The following CSMD1 variants were observed in gnomAD, a reference collection of about 807,000 sequenced individuals.
CSMD1 encodes CUB and sushi domain-containing protein 1.
Under a neutral mutation model 417.5 loss-of-function variants are expected in CSMD1, and 213 were observed. The ratio of observed to expected loss-of-function variants is 0.51; its 90% confidence interval spans 0.46 to 0.57. CSMD1 has a LOEUF of 0.57. CSMD1 is among the 20% of genes least tolerant of loss of function. The probability of loss-of-function intolerance (pLI) is 0.00; values close to 1 mark genes in which losing one functional copy is unlikely to be tolerated. For missense variants in CSMD1, 6,923 were observed against 4,529.7 expected (o/e 1.53, Z -15.17); for synonymous variants, 2,862 against 1,736.8 (o/e 1.65, Z -16.11).
intron 1 of CSMD1, among the ~76,000 whole-genome samples, chr8:4,964,403 C>T (rs1190123923): frequency 6.7e-6 from 1 of 148,656 alleles, no homozygotes; most frequent in African/African-American, 2.5e-5. Flanking sequence ...CCTGTAGTCC[C>T]AGCTACCTGG....
chr8:3,917,554 T>G (rs887197568), intron 5 of CSMD1, among the ~76,000 whole-genome samples: 1 of 152,194 alleles, frequency 6.6e-6, no homozygotes, highest in East Asian at 1.9e-4. Context: ...AATGCCTTTT[T>G]TGAAACTGCA....
At chr8:3,291,951 C>T (rs60752100) in intron 25 of CSMD1, among the ~76,000 whole-genome samples, 3,859 of 151,954 alleles carry the variant, frequency 0.025, 180 homozygotes, top group African/African-American at 0.088. Context: ...CCTGCTTTCT[C>T]TTGTGGGCAT....
At chr8:4,597,257 C>G (rs751047227) in intron 2 of CSMD1, among the ~76,000 whole-genome samples, 1 of 152,060 alleles carries the variant, frequency 6.6e-6, no homozygotes, top group African/African-American at 2.4e-5. Flanking sequence ...TTATCCCATG[C>G]CTTTGATTTC....
At chr8:4,088,245 AAGT>A (rs1800524674) in intron 3 of CSMD1, among the ~76,000 whole-genome samples, 1 of 152,206 alleles carries the variant, frequency 6.6e-6, no homozygotes, top group African/African-American at 2.4e-5. Context: ...AGAAGCTGAG[AAGT>A]AGATTTGCGA....
intron 10 of CSMD1, among the ~76,000 whole-genome samples, chr8:3,569,897 G>A (rs1024620956): frequency 3.3e-5 from 5 of 152,068 alleles, no homozygotes; most frequent in African/African-American, 9.7e-5. Flanking sequence ...ACATTTCTCC[G>A]AGATAAATGA....
At chr8:3,286,722 A>G (rs544447825) in intron 25 of CSMD1, among the ~76,000 whole-genome samples, 1 of 152,134 alleles carries the variant, frequency 6.6e-6, no homozygotes, top group East Asian at 1.9e-4. Flanking sequence ...TCTGGTTATT[A>G]GCCCTTTGTC....
intron 2 of CSMD1, among the ~76,000 whole-genome samples, chr8:4,537,648 T>G (rs367773264): frequency 6.6e-6 from 1 of 152,178 alleles, no homozygotes; most frequent in African/African-American, 2.4e-5. Context: ...AAATTAAGCA[T>G]TGATTTGCAT....
At chr8:3,629,530 GCTC>G (rs1254338480) in intron 7 of CSMD1, among the ~76,000 whole-genome samples, 1 of 152,098 alleles carries the variant, frequency 6.6e-6, no homozygotes, top group Admixed American at 6.5e-5. Context: ...GCAAATATCA[GCTC>G]CTCATCTTTT....
At chr8:3,652,444 T>G (rs1189761771) in intron 7 of CSMD1, among the ~76,000 whole-genome samples, 2 of 152,214 alleles carry the variant, frequency 1.3e-5, no homozygotes, top group East Asian at 3.8e-4. Flanking sequence ...ATGGATGCAT[T>G]AGCTCATTCT....
chr8:4,052,492 T>C (rs1045796380), intron 3 of CSMD1, among the ~76,000 whole-genome samples: 1 of 152,050 alleles, frequency 6.6e-6, no homozygotes, highest in South Asian at 2.1e-4. Context: ...AGGGTCAGAG[T>C]GCAGTGGGAG....
chr8:3,167,014 C>T (rs974867271), intron 37 of CSMD1, among the ~76,000 whole-genome samples: 2 of 152,038 alleles, frequency 1.3e-5, no homozygotes, highest in Non-Finnish European at 2.9e-5. Flanking sequence ...GGGCGGGGCA[C>T]AGTGGCTCAC....
intron 2 of CSMD1, among the ~76,000 whole-genome samples, chr8:4,525,659 C>G (rs561762672): frequency 6.1e-4 from 93 of 152,176 alleles, no homozygotes; most frequent in African/African-American, 2.1e-3. Context: ...ATGCCACAAC[C>G]ACAATTACTT....
intron 13 of CSMD1, 145 bp from the exon 14 acceptor site, chr8:3,408,370 G>T (rs1010359828): frequency 4.7e-6 from 3 of 636,806 alleles, no homozygotes; most frequent in South Asian, 2.1e-5. Flanking sequence ...AGTAATTCTG[G>T]ACCATAATGT....
chr8:4,630,579 T>G (rs546766566), intron 2 of CSMD1, among the ~76,000 whole-genome samples: 1 of 152,322 alleles, frequency 6.6e-6, no homozygotes, highest in East Asian at 1.9e-4. Flanking sequence ...AAGAGCAATT[T>G]GAAAGATACA....
rs561710747 is a variant in CSMD1, at chr8:4,628,468, A to ATG, written c.302+8872_302+8873dup. Among the ~76,000 whole-genome samples, 483 of 149,754 alleles carry ATG rather than the reference A, an allele frequency of 3.2e-3. 4 individuals carry two copies. Among genetic ancestry groups the ATG allele is most frequent in the African/African-American group, 0.011 (436 of 41,022 alleles). ...TATACACATATACATATATATGTATATGTATATATACACACAGTATCAGTA... is the reference window on the plus strand; with the variant it reads ...TATACACATATACATATATATGTATATGTGTATATATACACACAGTATCAGTA... On this transcript the variant is annotated intron_variant, in intron 2 of 69. Coordinates refer to ENST00000635120, the MANE Select transcript of CSMD1 (RefSeq NM_033225.6).
chr8:4,656,337 G>C (rs188792654), intron 1 of CSMD1, among the ~76,000 whole-genome samples: 66 of 152,130 alleles, frequency 4.3e-4, no homozygotes, highest in Non-Finnish European at 8.1e-4. Flanking sequence ...GGTAGAGAAG[G>C]TCAGACCAGG....
At chr8:3,083,966 C>T (rs931047472) in intron 49 of CSMD1, among the ~76,000 whole-genome samples, 1 of 151,964 alleles carries the variant, frequency 6.6e-6, no homozygotes, top group Non-Finnish European at 1.5e-5. Flanking sequence ...ACCCAGCCTA[C>T]ATTCTATTTT....
intron 2 of CSMD1, among the ~76,000 whole-genome samples, chr8:4,449,323 C>G (rs540772688): frequency 1.3e-5 from 2 of 152,278 alleles, no homozygotes; most frequent in South Asian, 2.1e-4. Context: ...AAATGAGCAT[C>G]TGTCTTCATT....
At chr8:4,968,175 A>T (rs1156790020) in intron 1 of CSMD1, among the ~76,000 whole-genome samples, 2 of 152,078 alleles carry the variant, frequency 1.3e-5, no homozygotes, top group Non-Finnish European at 2.9e-5. Flanking sequence ...AAATAGGATA[A>T]TTTTTTCCAG....
Sources: gnomAD v4.1 joint callset for allele counts (sites outside exome capture counted in the v4.1 genomes callset) on GRCh38, gnomAD v4.1.1 for gene constraint, MANE v1.5 for transcripts, NCBI Gene and HGNC (gene_info 2026-07-23, HGNC 2026-07-21) for gene names.